Variants in SORCS1 observed in about 807,000 individuals in gnomAD.
SORCS1 encodes sortilin related VPS10 domain containing receptor 1.
A neutral mutation model predicts 146.1 loss-of-function variants in SORCS1; 60 were observed. That is an observed-to-expected ratio of 0.41 (90% CI 0.33 to 0.51). The LOEUF (loss-of-function observed/expected upper bound fraction) is 0.51, where lower values mean the gene tolerates loss of function less well. Among genes scored for constraint, SORCS1 ranks in the 20% least tolerant of loss-of-function variants. SORCS1 has a pLI of 0.21. For missense variants in SORCS1, 1,352 were observed against 1,487.6 expected (o/e 0.91, Z 1.50); for synonymous variants, 637 against 584.0 (o/e 1.09, Z -1.31).
intron 3 of SORCS1, among the ~76,000 whole-genome samples, chr10:106,822,728 T>C (rs1424117236): frequency 6.6e-6 from 1 of 151,526 alleles, no homozygotes; most frequent in East Asian, 1.9e-4. Flanking sequence ...TACACGTCAC[T>C]TTTATTGAAG....
At chr10:106,973,569 G>C (rs1015203682) in intron 1 of SORCS1, among the ~76,000 whole-genome samples, 1 of 152,146 alleles carries the variant, frequency 6.6e-6, no homozygotes, top group Non-Finnish European at 1.5e-5. Context: ...AGCCCCTGGG[G>C]GCAGGAGAGA....
chr10:106,861,415 AAAG>A (rs1950011655), intron 2 of SORCS1, among the ~76,000 whole-genome samples: 1 of 151,376 alleles, frequency 6.6e-6, no homozygotes, highest in Non-Finnish European at 1.5e-5. Context: ...AAAAAAAAAA[AAAG>A]AATATGCGAA....
chr10:106,971,935 A>G (rs753570597), intron 1 of SORCS1, among the ~76,000 whole-genome samples: 1 of 152,164 alleles, frequency 6.6e-6, no homozygotes, highest in Non-Finnish European at 1.5e-5. Flanking sequence ...CAAATAGAGT[A>G]TGTATGGTGG....
upstream of SORCS1, among the ~76,000 whole-genome samples, chr10:107,169,570 C>T (rs924549803): frequency 2.0e-5 from 3 of 152,136 alleles, no homozygotes; most frequent in Non-Finnish European, 2.9e-5. Context: ...CTTGGACACC[C>T]GTTGGAGATA....
rs1362864781 is a variant in SORCS1 at position 106,950,671 on chromosome 10, A to G, written c.626+5842T>C. 2.6e-5 allele frequency among the ~76,000 whole-genome samples: 4 copies of G among 152,174 alleles called. No individual in the cohort carries two copies. The East Asian group carries it at 7.7e-4, about 29-fold the overall frequency. The stretch of plus-strand genomic sequence containing the variant: ...TAATAATATACACATATATTTCTAT[A>G]AAATATCCTGTTGCTTGTTTGGGTA... On this transcript the variant is annotated intron_variant, in intron 2 of 25. Coordinates refer to ENST00000263054, the MANE Select transcript of SORCS1 (RefSeq NM_052918.5).
chr10:106,811,878 T>A (rs1947477366), intron 3 of SORCS1, among the ~76,000 whole-genome samples: 1 of 152,220 alleles, frequency 6.6e-6, no homozygotes, highest in African/African-American at 2.4e-5. Context: ...ATCTCCAGGT[T>A]GCCACATCCT....
At chr10:107,052,969 G>A (rs527997053) in intron 1 of SORCS1, among the ~76,000 whole-genome samples, 6 of 152,138 alleles carry the variant, frequency 3.9e-5, no homozygotes, top group East Asian at 1.9e-4. Context: ...CATGTAGCTC[G>A]CTATTACTTT....
At chr10:106,597,272 T>C (rs541779114) in intron 24 of SORCS1, 79 bp downstream of exon 24, 5 of 1,171,214 alleles carry the variant, frequency 4.3e-6, no homozygotes, top group Non-Finnish European at 5.1e-6. Context: ...CCATCTAGCC[T>C]TTTTATGAGG....
chr10:106,601,091 T>A (rs140342538), intron 23 of SORCS1, among the ~76,000 whole-genome samples: 1 of 151,992 alleles, frequency 6.6e-6, no homozygotes, highest in African/African-American at 2.4e-5. Flanking sequence ...TTTGGGAGAG[T>A]CTTCGGCTAT....
Position 106,911,493 on chromosome 10 carries a change from T to C in SORCS1, c.626+45020A>G, listed in dbSNP as rs1008853029. 2.0e-5 allele frequency among the ~76,000 whole-genome samples: 3 copies of C among 152,062 alleles called. No individual in the cohort carries two copies. The East Asian group carries it at 5.8e-4, about 29-fold the overall frequency. On this transcript the variant is annotated intron_variant, in intron 2 of 25. Coordinates refer to ENST00000263054, the MANE Select transcript of SORCS1 (RefSeq NM_052918.5). ...GTCACACAGCCTCAGCCCTATCCTA[T>C]TTATAGATTAGCTGCATGCATCAGT...
intron 2 of SORCS1, among the ~76,000 whole-genome samples, chr10:106,902,005 C>T (rs1046378245): frequency 6.6e-6 from 1 of 151,554 alleles, no homozygotes; most frequent in African/African-American, 2.4e-5. Context: ...GATTGCGCCA[C>T]TGCACTCTAG....
At chr10:107,009,201 C>T (rs1957584059) in intron 1 of SORCS1, among the ~76,000 whole-genome samples, 3 of 152,106 alleles carry the variant, frequency 2.0e-5, no homozygotes, top group Admixed American at 6.5e-5. Flanking sequence ...TGCATATAGA[C>T]GTTGAAAAAG....
chr10:106,788,456 C>A (rs1946161447), intron 3 of SORCS1, among the ~76,000 whole-genome samples: 1 of 152,160 alleles, frequency 6.6e-6, no homozygotes, highest in Non-Finnish European at 1.5e-5. Context: ...AAATCAAAAG[C>A]AAGTTAGTTA....
intron 5 of SORCS1, among the ~76,000 whole-genome samples, chr10:106,743,984 G>GT (rs1277735040): frequency 2.0e-5 from 3 of 151,966 alleles, no homozygotes; most frequent in Admixed American, 6.6e-5. Flanking sequence ...CGAACACAGC[G>GT]TAACACACGA....
At chr10:106,699,097 G>T in intron 9 of SORCS1, 117 bp downstream of exon 9, 2 of 854,904 alleles carry the variant, frequency 2.3e-6, no homozygotes, top group Non-Finnish European at 3.4e-6. Context: ...TCTCCCAAGA[G>T]AAATGAGGCC....
intron 18 of SORCS1, among the ~76,000 whole-genome samples, chr10:106,640,777 C>G (rs1034836737): frequency 6.6e-6 from 1 of 152,200 alleles, no homozygotes; most frequent in African/African-American, 2.4e-5. Context: ...AGTCTCCAAG[C>G]ACAGAGATGC....
In SORCS1 at chr10:106,820,070, AT is replaced by A. The variant is rs527759793; in HGVS notation, c.726+9503del. Among the ~76,000 whole-genome samples, 43 of 152,258 alleles carry A rather than the reference AT, an allele frequency of 2.8e-4. 2 individuals are homozygous for A. Among genetic ancestry groups the A allele is most frequent in the Non-Finnish European group, 3.2e-4 (22 of 68,012 alleles). On this transcript the variant is annotated intron_variant, in intron 3 of 25. Coordinates refer to ENST00000263054, the MANE Select transcript of SORCS1 (RefSeq NM_052918.5). Reference sequence around the variant, plus strand: ...TTCTCTTATCTGTGAGAGGCTGTGCATTCCAGATATTTTCTTTTTACATATC... The same window carrying A: ...TTCTCTTATCTGTGAGAGGCTGTGCATCCAGATATTTTCTTTTTACATATC...
intron 2 of SORCS1, among the ~76,000 whole-genome samples, chr10:106,874,341 T>C (rs961602508): frequency 6.6e-6 from 1 of 152,196 alleles, no homozygotes. Flanking sequence ...CATAATTATA[T>C]GCAGAAAACA....
At chr10:107,163,319 AC>A (rs1969846827) in intron 1 of SORCS1, among the ~76,000 whole-genome samples, 1 of 152,218 alleles carries the variant, frequency 6.6e-6, no homozygotes, top group Non-Finnish European at 1.5e-5. Context: ...CCGCTCATTC[AC>A]GGGCTGGAAA....
Sources: allele counts gnomAD v4.1 joint callset (sites outside exome capture counted in the v4.1 genomes callset), GRCh38; gene constraint gnomAD v4.1.1; transcripts MANE v1.5; gene names NCBI Gene and HGNC (gene_info 2026-07-23, HGNC 2026-07-21).